PCDH9: variants seen among roughly 807,000 people sequenced by gnomAD.
PCDH9 encodes protocadherin-9.
In PCDH9, 24 loss-of-function variants were observed where a neutral mutation model predicts 70.6. That is an observed-to-expected ratio of 0.34 (90% CI 0.25 to 0.48). PCDH9 has a LOEUF of 0.48. PCDH9 is among the 20% of genes least tolerant of loss of function. The probability of loss-of-function intolerance (pLI) is 0.99; values close to 1 mark genes in which losing one functional copy is unlikely to be tolerated. For missense variants in PCDH9, 1,281 were observed against 1,503.6 expected, an observed-to-expected ratio of 0.85 and a Z score of 2.45; for synonymous variants, 562 against 558.5, an observed-to-expected ratio of 1.01 and a Z score of -0.09.
At chr13:66,953,343 C>T (rs1594305796) in intron 2 of PCDH9, among the ~76,000 whole-genome samples, 1 of 152,206 alleles carries the variant, frequency 6.6e-6, no homozygotes, top group East Asian at 1.9e-4. Context: ...TGGATTTGTT[C>T]ATCCCCATAT....
chr13:67,185,237 A>AT (rs2088722012), intron 2 of PCDH9, among the ~76,000 whole-genome samples: 1 of 152,156 alleles, frequency 6.6e-6, no homozygotes, highest in South Asian at 2.1e-4. Context: ...TGCAATGTAG[A>AT]TTTTTACTCT....
chr13:67,091,871 T>C (rs1372194888), intron 2 of PCDH9, among the ~76,000 whole-genome samples: 1 of 152,190 alleles, frequency 6.6e-6, no homozygotes, highest in Non-Finnish European at 1.5e-5. Flanking sequence ...CATGTACTTT[T>C]ATCCCCAGTG....
chr13:66,575,499 G>T (rs1244546172), intron 4 of PCDH9, among the ~76,000 whole-genome samples: 1 of 152,046 alleles, frequency 6.6e-6, no homozygotes, highest in African/African-American at 2.4e-5. Context: ...GCCTTAGAAG[G>T]TCCACATGGC....
chr13:67,064,891 AATAGATAGATAG>A (rs71110626), intron 2 of PCDH9, among the ~76,000 whole-genome samples: 2,834 of 148,944 alleles, frequency 0.019, 63 homozygotes, highest in East Asian at 0.052. Context: ...CCTGTGTGGA[AATAGATAGATAG>A]ATAGATAGAT....
At chr13:67,035,979 T>A (rs1005868693) in intron 2 of PCDH9, among the ~76,000 whole-genome samples, 1 of 152,158 alleles carries the variant, frequency 6.6e-6, no homozygotes, top group Non-Finnish European at 1.5e-5. Context: ...AACAATAAAA[T>A]GTTTCAGGGT....
chr13:66,980,874 G>A (rs2070290871), intron 2 of PCDH9, among the ~76,000 whole-genome samples: 1 of 151,090 alleles, frequency 6.6e-6, no homozygotes, highest in Admixed American at 6.6e-5. Context: ...TAGTGTGAAC[G>A]TTTGTATAAA....
chr13:66,730,927 G>A (rs1253595302), intron 3 of PCDH9, among the ~76,000 whole-genome samples: 3 of 119,408 alleles, frequency 2.5e-5, no homozygotes, highest in Non-Finnish European at 4.9e-5. Flanking sequence ...GTCTCACTAT[G>A]CTGCCGAGGC....
intron 4 of PCDH9, among the ~76,000 whole-genome samples, chr13:66,461,657 G>A (rs1012658008): frequency 6.6e-6 from 1 of 151,576 alleles, no homozygotes; most frequent in Non-Finnish European, 1.5e-5. Flanking sequence ...TACCATTTTA[G>A]AAGTTCATTG....
intron 2 of PCDH9, among the ~76,000 whole-genome samples, chr13:67,037,906 C>T (rs1379316081): frequency 6.6e-6 from 1 of 152,118 alleles, no homozygotes; most frequent in Non-Finnish European, 1.5e-5. Context: ...CATTTATTTA[C>T]TCTATAAGAA....
chr13:66,353,330 A>T (rs1260869147), intron 4 of PCDH9, among the ~76,000 whole-genome samples: 1 of 152,336 alleles, frequency 6.6e-6, no homozygotes, highest in South Asian at 2.1e-4. Flanking sequence ...CTTCAAGAGC[A>T]TACTTAAAAA....
intron 4 of PCDH9, among the ~76,000 whole-genome samples, chr13:66,468,963 T>C (rs1958565562): frequency 6.6e-6 from 1 of 152,270 alleles, no homozygotes; most frequent in East Asian, 1.9e-4. Flanking sequence ...AGTACTATTC[T>C]GGAAGCCTAA....
At chr13:66,615,565 T>C (rs2077345177) in intron 4 of PCDH9, among the ~76,000 whole-genome samples, 1 of 152,230 alleles carries the variant, frequency 6.6e-6, no homozygotes, top group Non-Finnish European at 1.5e-5. Flanking sequence ...ACTATAAAAC[T>C]TTAGCAGGTG....
At chr13:66,996,190 G>A (rs575301154) in intron 2 of PCDH9, 4 of 152,052 alleles carry the variant, frequency 2.6e-5, no homozygotes, top group African/African-American at 9.7e-5. Flanking sequence ...CTTACCAGCG[G>A]GACATTTTAT....
rs555370777 is a variant in PCDH9, at chr13:66,584,622, C to T, written c.3340+46588G>A. On this transcript the variant is annotated intron_variant, in intron 4 of 4. Coordinates refer to ENST00000377865, the MANE Select transcript of PCDH9 (RefSeq NM_203487.3). ...AAATATATATTTTTCTAGATCATTTCGAACTCTGGAAAAATATAATTTAAA... is the reference window on the plus strand; with the variant it reads ...AAATATATATTTTTCTAGATCATTTTGAACTCTGGAAAAATATAATTTAAA... Among the ~76,000 whole-genome samples the T allele has an allele frequency of 3.2e-4, 49 of 152,200 alleles. No individual in the cohort carries two copies. In the East Asian group the frequency reaches 6.9e-3, roughly 22 times the overall value.
intron 3 of PCDH9, among the ~76,000 whole-genome samples, chr13:66,721,963 T>A (rs1435875059): frequency 1.3e-5 from 2 of 152,198 alleles, no homozygotes; most frequent in Non-Finnish European, 1.5e-5. Context: ...TCTGCAGGAA[T>A]AAATTTATGA....
intron 3 of PCDH9, among the ~76,000 whole-genome samples, chr13:66,686,785 C>A (rs933751652): frequency 1.3e-5 from 2 of 152,100 alleles, no homozygotes; most frequent in Non-Finnish European, 2.9e-5. Context: ...TCTCAAACCA[C>A]CATTCTTTCT....
chr13:66,330,265 T>C (rs1344382490), intron 4 of PCDH9, among the ~76,000 whole-genome samples: 1 of 152,340 alleles, frequency 6.6e-6, no homozygotes, highest in East Asian at 1.9e-4. Flanking sequence ...TGCTTGCTAA[T>C]TCACCAAGTA....
At chr13:66,779,849 C>CTCTCTCTCTCTCTCTATATATA (rs1395244975) in intron 3 of PCDH9, among the ~76,000 whole-genome samples, 1 of 78,920 alleles carries the variant, frequency 1.3e-5, no homozygotes, top group Admixed American at 1.7e-4. Context: ...CTCTCTCTCT[C>CTCTCTCTCTCTCTCTATATATA]TATATATATA....
intron 4 of PCDH9, among the ~76,000 whole-genome samples, chr13:66,576,354 T>C (rs553858451): frequency 2.6e-5 from 4 of 152,200 alleles, no homozygotes; most frequent in Admixed American, 6.5e-5. Context: ...ATATATATTT[T>C]TTATAATGTC....
Sources: gnomAD v4.1 joint callset for allele counts (sites outside exome capture counted in the v4.1 genomes callset) on GRCh38, gnomAD v4.1.1 for gene constraint, MANE v1.5 for transcripts, NCBI Gene and HGNC (gene_info 2026-07-23, HGNC 2026-07-21) for gene names.